NPAS3: variants seen among roughly 807,000 people sequenced by gnomAD.
The protein encoded by NPAS3 is neuronal PAS domain-containing protein 3.
Under a neutral mutation model 73.1 loss-of-function variants are expected in NPAS3, and 14 were observed. The ratio of observed to expected loss-of-function variants is 0.19; its 90% CI spans 0.13 to 0.30. The LOEUF (loss-of-function observed/expected upper bound fraction) is 0.30. NPAS3 is among the 10% of genes least tolerant of loss of function. The pLI, the probability that NPAS3 is intolerant of heterozygous loss-of-function variation, is 1.00. For missense variants in NPAS3, 1,096 were observed against 1,250.0 expected (o/e 0.88, Z 1.86); for synonymous variants, 620 against 541.5 (o/e 1.14, Z -2.01).
chr14:33,560,115 C>T lies in NPAS3; in HGVS notation c.469-6C>T, dbSNP rs750530157. ...TCTATTTATATATTTATTCTTTTTC[C>T]TGCAGTCCCTGGATGGCTTTGTATT... is the stretch of plus-strand genomic sequence containing the variant. On this transcript the variant is annotated splice_polypyrimidine_tract_variant and splice_region_variant and intron_variant, in intron 4 of 11. Coordinates refer to ENST00000356141, the Ensembl canonical transcript of NPAS3. The T allele has an allele frequency of 1.2e-6, 1 of 851,680 alleles. No individual in the cohort carries two copies. Among genetic ancestry groups the T allele is most frequent in the Non-Finnish European group, 2.0e-6 (1 of 491,358 alleles). The allele number at this position is 851,680 out of a possible 1,614,324, so 52.8% of individuals were successfully genotyped here.
intron 8 of NPAS3, among the ~76,000 whole-genome samples, chr14:33,775,618 C>A (rs1279208216): frequency 2.0e-5 from 3 of 152,164 alleles, no homozygotes; most frequent in Admixed American, 6.5e-5. Flanking sequence ...AAAGATAACC[C>A]ACCTGAGCTA....
intron 10 of NPAS3, 64 bp downstream of exon 10, chr14:33,794,108 T>C (rs2063444288): frequency 1.1e-5 from 15 of 1,403,384 alleles, no homozygotes; most frequent in Non-Finnish European, 1.3e-5. Context: ...AAAATATGGC[T>C]ATGGTTAATA....
intron 6 of NPAS3, among the ~76,000 whole-genome samples, chr14:33,682,878 C>T (rs768101103): frequency 3.3e-5 from 5 of 152,194 alleles, no homozygotes; most frequent in Non-Finnish European, 7.3e-5. Flanking sequence ...GATAGCTGAG[C>T]TCCACCCTTC....
intron 3 of NPAS3, among the ~76,000 whole-genome samples, chr14:33,229,539 T>G (rs1186852878): frequency 1.3e-5 from 2 of 152,194 alleles, no homozygotes; most frequent in African/African-American, 4.8e-5. Context: ...GAGGGAAGAC[T>G]AGACGGTGCG....
intron 1 of NPAS3, among the ~76,000 whole-genome samples, chr14:33,003,799 G>A (rs1186662096): frequency 6.6e-6 from 1 of 152,216 alleles, no homozygotes; most frequent in African/African-American, 2.4e-5. Context: ...TAGTGTGTGT[G>A]ATTTCCTGGA....
At chr14:33,311,329 A>G (rs569770723) in intron 3 of NPAS3, among the ~76,000 whole-genome samples, 50 of 152,178 alleles carry the variant, frequency 3.3e-4, no homozygotes, top group Non-Finnish European at 6.9e-4. Flanking sequence ...GTTTTATTCA[A>G]TCAAAGGCCT....
chr14:33,452,774 CAAA>C (rs61640170), intron 4 of NPAS3, among the ~76,000 whole-genome samples: 6 of 53,834 alleles, frequency 1.1e-4, no homozygotes, highest in African/African-American at 3.9e-4. Flanking sequence ...GACTCTGTCT[CAAA>C]AAAAAAAAAA....
intron 7 of NPAS3, among the ~76,000 whole-genome samples, chr14:33,764,088 C>T (rs2062383186): frequency 6.6e-6 from 1 of 152,302 alleles, no homozygotes; most frequent in Admixed American, 6.5e-5. Context: ...GCTGGCTTCA[C>T]ATTTTCCTTT....
chr14:33,484,684 T>C (rs2051495270), intron 4 of NPAS3, among the ~76,000 whole-genome samples: 1 of 152,172 alleles, frequency 6.6e-6, no homozygotes, highest in Non-Finnish European at 1.5e-5. Flanking sequence ...ACCTGGTCCA[T>C]AAGCCACTGT....
At chr14:33,206,059 G>C (rs977231716) in intron 2 of NPAS3, among the ~76,000 whole-genome samples, 1 of 151,888 alleles carries the variant, frequency 6.6e-6, no homozygotes, top group African/African-American at 2.4e-5. Context: ...GGGTTTTATT[G>C]GATATTTCAT....
chr14:33,121,626 GTCTCTGTC>G (rs1293341105), intron 2 of NPAS3, among the ~76,000 whole-genome samples: 1 of 152,116 alleles, frequency 6.6e-6, no homozygotes, highest in Non-Finnish European at 1.5e-5. Context: ...GAGTAAATCA[GTCTCTGTC>G]TCTCTGACAT....
intron 4 of NPAS3, among the ~76,000 whole-genome samples, chr14:33,378,191 C>T (rs1444583617): frequency 6.6e-6 from 1 of 152,132 alleles, no homozygotes; most frequent in Admixed American, 6.5e-5. Flanking sequence ...ACAAAGGTGC[C>T]TAGTTTAGAT....
intron 4 of NPAS3, among the ~76,000 whole-genome samples, chr14:33,443,099 C>T (rs1349149837): frequency 2.0e-5 from 3 of 152,226 alleles, no homozygotes; most frequent in Admixed American, 2.0e-4. Context: ...CAGCTTCCCT[C>T]AGTTAACACT....
intron 5 of NPAS3, among the ~76,000 whole-genome samples, chr14:33,573,179 TAAA>T (rs762022602): frequency 3.7e-4 from 57 of 152,226 alleles, no homozygotes; most frequent in Non-Finnish European, 7.5e-4. Context: ...AAGTAATCAA[TAAA>T]ACAGGTCCAA....
chr14:33,043,490 C>A (rs1377435464), intron 1 of NPAS3, among the ~76,000 whole-genome samples: 1 of 152,006 alleles, frequency 6.6e-6, no homozygotes, highest in East Asian at 1.9e-4. Flanking sequence ...TCCTGAGTAC[C>A]AAAGCTGAAA....
chr14:33,224,088 T>C (rs2047534694), intron 3 of NPAS3, among the ~76,000 whole-genome samples: 1 of 152,208 alleles, frequency 6.6e-6, no homozygotes. Context: ...TACCAGTTCT[T>C]GATAATGTAA....
chr14:33,579,458 T>A (rs2056576149), intron 5 of NPAS3, among the ~76,000 whole-genome samples: 2 of 152,284 alleles, frequency 1.3e-5, no homozygotes, highest in Non-Finnish European at 2.9e-5. Flanking sequence ...TGTTCACCTG[T>A]AAAACAAGAA....
intron 3 of NPAS3, among the ~76,000 whole-genome samples, chr14:33,319,019 G>A (rs571161749): frequency 4.4e-4 from 67 of 152,088 alleles, no homozygotes; most frequent in South Asian, 6.2e-4. Flanking sequence ...CAGATTGGCC[G>A]GAGAGTTTTC....
chr14:33,226,631 A>G (rs2047644432), intron 3 of NPAS3, among the ~76,000 whole-genome samples: 1 of 152,210 alleles, frequency 6.6e-6, no homozygotes, highest in Admixed American at 6.5e-5. Flanking sequence ...TTGCTAGGAA[A>G]TAGCTCCTGT....
Sources: gnomAD v4.1 joint callset for allele counts (sites outside exome capture counted in the v4.1 genomes callset) on GRCh38, gnomAD v4.1.1 for gene constraint, MANE v1.5 for transcripts, NCBI Gene and HGNC (gene_info 2026-07-23, HGNC 2026-07-21) for gene names.